Variants in COL27A1 observed in about 807,000 individuals in gnomAD.
COL27A1 encodes collagen alpha-1(XXVII) chain.
COL27A1 carries 106 observed loss-of-function variants against 251.3 expected under a neutral mutation model. The observed-to-expected ratio is 0.42, with a 90% CI of 0.36 to 0.50. COL27A1 has a LOEUF of 0.50. COL27A1 is among the 20% of genes least tolerant of loss of function. The pLI is 0.00. For synonymous variants in COL27A1, 1,000 were observed against 986.3 expected (o/e 1.01, Z -0.26); for missense variants, 2,325 against 2,522.8 (o/e 0.92, Z 1.68).
rs1411454456 is a variant in COL27A1 at position 114,237,702 on chromosome 9, C to T, written c.2714C>T (p.Pro905Leu). The T allele has an allele frequency of 1.2e-6, 2 of 1,613,946 alleles. No individual in the cohort carries two copies. Among genetic ancestry groups the T allele is most frequent in the Non-Finnish European group, 1.7e-6 (2 of 1,179,912 alleles). Residue 905 changes from proline (P) to leucine (L), a missense_variant, in exon 19 of 61, where the codon CCC becomes CTC. Around this residue, in one of 4 missense-constraint regions of COL27A1, gnomAD observed 662 missense variants for 795.3 expected, o/e 0.83. Transcript: ENST00000356083. ...AAAGGATCCATTGGGTTTCCCGGGC[C>T]CCCTGGACCCGAGGTATGTGATGCC... ...GDKGSIGFPG[P>L]PGPEGFPGDI...
rs369841427 is a variant in COL27A1 at position 114,221,010 on chromosome 9, A to G, written c.2421+1166A>G. Among the ~76,000 whole-genome samples the G allele has an allele frequency of 6.8e-4, 103 of 151,694 alleles. No homozygotes were observed. In the East Asian group the frequency reaches 0.016, roughly 24 times the overall value. ...ACTCTGTCTCAAAAAAAAAAAAAAA[A>G]AAGAAGCCGTTGTGAGAATGACAGG... On this transcript the variant is annotated intron_variant, in intron 13 of 60. Coordinates refer to ENST00000356083, the MANE Select transcript of COL27A1 (RefSeq NM_032888.4).
intron 38 of COL27A1, 39 bp downstream of exon 38, chr9:114,282,369 C>T: frequency 1.2e-6 from 2 of 1,611,806 alleles, no homozygotes; most frequent in East Asian, 2.2e-5. Flanking sequence ...CTGCGTCCCT[C>T]CCCCGCATCC....
chr9:114,232,463 A>G (rs1232686566), intron 16 of COL27A1, among the ~76,000 whole-genome samples: 1 of 152,182 alleles, frequency 6.6e-6, no homozygotes, highest in African/African-American at 2.4e-5. Flanking sequence ...GCATCTGAAT[A>G]CGAGAGACAC....
intron 49 of COL27A1, among the ~76,000 whole-genome samples, chr9:114,296,674 A>G (rs757364633): frequency 6.6e-6 from 1 of 152,210 alleles, no homozygotes; most frequent in Non-Finnish European, 1.5e-5. Flanking sequence ...GCATATCCCT[A>G]TTGTATAATC....
Position 114,209,744 on chromosome 9 carries a change from T to C in COL27A1, c.2322+16T>C. 13 of 1,613,788 alleles carry C rather than the reference T, an allele frequency of 8.1e-6. No individual in the cohort carries two copies. The highest frequency in any genetic ancestry group is 1.1e-5 in the Non-Finnish European group (13 of 1,179,668). ...TGGAGAACGAGTAAGTTTGCTTCTTTGGTTATTCACCATCCACAGCCACCC... is the reference window on the plus strand; with the variant it reads ...TGGAGAACGAGTAAGTTTGCTTCTTCGGTTATTCACCATCCACAGCCACCC... On this transcript the variant is annotated intron_variant, in intron 11 of 60. Transcript: ENST00000356083.
chr9:114,253,033 G>A, intron 27 of COL27A1, 101 bp downstream of exon 27: 2 of 929,990 alleles, frequency 2.2e-6, no homozygotes, highest in Non-Finnish European at 1.7e-6. Flanking sequence ...CACTTCGGGA[G>A]GCCGATCACT....
In COL27A1 at chr9:114,250,648, C is replaced by A; in HGVS notation, c.3013C>A (p.Pro1005Thr). Residue 1005 changes from proline to threonine, a missense_variant, in exon 25 of 61, where the codon CCA becomes ACA. Coordinates refer to ENST00000356083, the MANE Select transcript of COL27A1 (RefSeq NM_032888.4). ...GGGATTCATTGGTCTGGTCGGGGAG[C>A]CAGGAATCGTGGGAGAAAAGGTAAG... is the stretch of plus-strand genomic sequence containing the variant. ...FMGFIGLVGE[P>T]GIVGEKGDRG... The A allele has an allele frequency of 6.2e-7, 1 of 1,611,944 alleles. No individual in the cohort carries two copies. The highest frequency in any genetic ancestry group is 1.1e-5 in the South Asian group (1 of 91,052).
rs2131627071 is a variant in COL27A1 at position 114,290,807 on chromosome 9, CAG to C, written c.4369-2_4369-1del. 1 of 1,542,106 alleles carries C rather than the reference CAG, an allele frequency of 6.5e-7. No homozygotes were observed. Among genetic ancestry groups the C allele is most frequent in the Non-Finnish European group, 8.8e-7 (1 of 1,142,280 alleles). On this transcript the variant is annotated splice_acceptor_variant, in intron 47 of 60. Transcript: ENST00000356083. LOFTEE classifies it high-confidence loss of function. The surrounding 1 kb of genome is among the most constrained non-coding windows in gnomAD (Gnocchi z 4.6). The stretch of plus-strand genomic sequence containing the variant: ...GACCCTCCTCTGCCTGCTTTCTTAA[CAG>C]GGGGAGCAGGGAGACGATGGGGACC...
intron 35 of COL27A1, 38 bp from the exon 36 acceptor site, chr9:114,270,690 A>G: frequency 6.5e-7 from 1 of 1,532,494 alleles, no homozygotes; most frequent in Non-Finnish European, 9.0e-7. Flanking sequence ...CCTCCTCCCC[A>G]GTAACATCTC....
rs1185060374 is a variant in COL27A1 at position 114,275,774 on chromosome 9, T to C, written c.3717+6T>C. The C allele has an allele frequency of 6.5e-7, 1 of 1,530,708 alleles. No homozygotes were observed. The highest frequency in any genetic ancestry group is 8.8e-7 in the Non-Finnish European group (1 of 1,132,914). 94.8% of individuals were successfully genotyped at this position (1,530,708 alleles called of 1,614,324 possible). ...CTGGCGTCACTGGTGTCCGGGTGAG[T>C]GTGCAGGCCCCTTGCAGCGCCTGGA... On this transcript the variant is annotated splice_donor_region_variant and intron_variant, in intron 37 of 60. Transcript: ENST00000356083.
intron 12 of COL27A1, 68 bp downstream of exon 12, chr9:114,211,094 C>G: frequency 6.8e-7 from 1 of 1,473,510 alleles, no homozygotes; most frequent in Non-Finnish European, 9.5e-7. Flanking sequence ...CCACGCTGCC[C>G]TGGCCACCTG....
chr9:114,174,468 C>T (rs905113681), intron 3 of COL27A1, among the ~76,000 whole-genome samples: 1 of 152,160 alleles, frequency 6.6e-6, no homozygotes, highest in Non-Finnish European at 1.5e-5. Context: ...AATTATAGCA[C>T]AGCAGAGAGG....
chr9:114,156,376 C>A (rs1848124825), intron 1 of COL27A1, among the ~76,000 whole-genome samples: 2 of 151,624 alleles, frequency 1.3e-5, no homozygotes, highest in Non-Finnish European at 2.9e-5. Flanking sequence ...GGGGCCGTCT[C>A]GGTGTGTTCC....
In COL27A1 at chr9:114,187,224, A is replaced by G. The variant is rs545475005; in HGVS notation, c.2016+4149A>G. On this transcript the variant is annotated intron_variant, in intron 5 of 60. Transcript: ENST00000356083. ...GGGCACTTGAGATCAGAGATGGAGT[A>G]TGCAGGGGGCTTCCAGCCCAGAATA... is the stretch of plus-strand genomic sequence containing the variant. Among the ~76,000 whole-genome samples, 4 of 152,186 alleles carry G rather than the reference A, an allele frequency of 2.6e-5. No homozygotes were observed. The South Asian group carries it at 6.2e-4, about 24-fold the overall frequency.
rs143410875 is a variant in COL27A1, at chr9:114,291,337, G to A, written c.4476+420G>A. On this transcript the variant is annotated intron_variant, in intron 48 of 60. Coordinates refer to ENST00000356083, the MANE Select transcript of COL27A1 (RefSeq NM_032888.4). ...AGGGGAGATGTAGATGAATGACTCA[G>A]ATGTGGTTCTTGCCCTCTCTGAGCT... Among the ~76,000 whole-genome samples the A allele has an allele frequency of 1.9e-3, 282 of 152,350 alleles. 1 individual carries two copies. The highest frequency in any genetic ancestry group is 6.8e-3 in the Middle Eastern group (2 of 294).
At chr9:114,184,188 G>T (rs1342373286) in intron 5 of COL27A1, among the ~76,000 whole-genome samples, 1 of 152,218 alleles carries the variant, frequency 6.6e-6, no homozygotes, top group Admixed American at 6.5e-5. Context: ...GGGTAACCAG[G>T]TGAAGAGCAC....
In COL27A1 at chr9:114,290,299, C is replaced by A. The variant is rs776093423; in HGVS notation, c.4336C>A (p.Leu1446Ile). Residue 1446 changes from leucine (L) to isoleucine (I), a missense_variant, in exon 47 of 61, where the codon CTT becomes ATT. Coordinates refer to ENST00000356083, the MANE Select transcript of COL27A1 (RefSeq NM_032888.4). The surrounding 1 kb of genome is among the most constrained non-coding windows in gnomAD (Gnocchi z 4.6). ...GLEGIAGPDG[L>I]PGRDGQAGQQ... Reference sequence around the variant, plus strand: ...CGAGGGCATCGCTGGACCAGATGGGCTTCCTGGCAGGGACGGGCAAGCAGG... The same window carrying A: ...CGAGGGCATCGCTGGACCAGATGGGATTCCTGGCAGGGACGGGCAAGCAGG... The A allele has an allele frequency of 1.3e-6, 2 of 1,583,426 alleles. No individual in the cohort carries two copies. The highest frequency in any genetic ancestry group is 1.7e-6 in the Non-Finnish European group (2 of 1,165,100).
At chr9:114,235,554 C>G (rs780548165) in intron 16 of COL27A1, 45 bp from the exon 17 acceptor site, 1 of 1,519,672 alleles carries the variant, frequency 6.6e-7, no homozygotes. Context: ...GCTTCCAGAA[C>G]CCACGTGGCC....
chr9:114,178,881 G>A (rs957344847), intron 4 of COL27A1, among the ~76,000 whole-genome samples: 6 of 152,084 alleles, frequency 3.9e-5, no homozygotes, highest in African/African-American at 1.2e-4. Context: ...GATGTGCCTG[G>A]CACCTTCTTT....
Sources: gnomAD v4.1 joint callset for allele counts (sites outside exome capture counted in the v4.1 genomes callset) on GRCh38, gnomAD v4.1.1 for gene constraint, gnomAD v4.1.1 regional missense constraint, Gnocchi (gnomAD v3.1) non-coding constraint, MANE v1.5 for transcripts, NCBI Gene and HGNC (gene_info 2026-07-23, HGNC 2026-07-21) for gene names.